Variants in KIF26A observed in about 807,000 individuals in gnomAD.
KIF26A encodes the protein kinesin family member 26A, also known as kinesin-like protein KIF26A.
A neutral mutation model predicts 126.0 loss-of-function variants in KIF26A; 74 were observed. The ratio of observed to expected loss-of-function variants is 0.59; its 90% confidence interval spans 0.49 to 0.71. The LOEUF is 0.71. KIF26A is among the 30% of genes least tolerant of loss of function. The probability of loss-of-function intolerance (pLI) is 0.00; values close to 1 mark genes in which losing one functional copy is unlikely to be tolerated. For synonymous variants in KIF26A, 1,445 were observed against 1,232.7 expected (o/e 1.17, Z -3.61); for missense variants, 2,984 against 2,763.3 (o/e 1.08, Z -1.79).
At chr14:104,170,882 C>T (rs1167764537) in intron 5 of KIF26A, among the ~76,000 whole-genome samples, 7 of 152,232 alleles carry the variant, frequency 4.6e-5, no homozygotes, top group Non-Finnish European at 8.8e-5. Context: ...TTCCCGAGTC[C>T]GGTGCCTGTA....
chr14:104,141,786 C>T (rs972082449), intron 2 of KIF26A, among the ~76,000 whole-genome samples: 2 of 152,204 alleles, frequency 1.3e-5, no homozygotes, highest in Non-Finnish European at 2.9e-5. Context: ...CATGGTCCTG[C>T]CTATGCTCAT....
chr14:104,168,260 A>C (rs980052637), intron 5 of KIF26A, among the ~76,000 whole-genome samples: 3 of 152,152 alleles, frequency 2.0e-5, no homozygotes, highest in Admixed American at 1.3e-4. Context: ...GTGTCTGGCC[A>C]CGCCCTCAGT....
At chr14:104,150,252 T>C (rs12896307) in intron 2 of KIF26A, among the ~76,000 whole-genome samples, 23,386 of 139,116 alleles carry the variant, frequency 0.17, 2,605 homozygotes, top group Middle Eastern at 0.26. Context: ...GCAGGGCTCC[T>C]TGTGGCTGAC....
intron 2 of KIF26A, among the ~76,000 whole-genome samples, chr14:104,142,101 T>G (rs1395094900): frequency 6.6e-6 from 1 of 152,078 alleles, no homozygotes; most frequent in Non-Finnish European, 1.5e-5. Flanking sequence ...GCAGTGAGGG[T>G]GACCATGGTC....
chr14:104,178,807 C>A, intron 13 of KIF26A, 52 bp downstream of exon 13: 1 of 1,086,058 alleles, frequency 9.2e-7, no homozygotes, highest in South Asian at 1.6e-5. Flanking sequence ...GAGCCTGCCG[C>A]GGATGGCAGA....
intron 4 of KIF26A, among the ~76,000 whole-genome samples, chr14:104,164,743 G>A (rs1255461596): frequency 6.8e-6 from 1 of 147,168 alleles, no homozygotes; most frequent in Admixed American, 6.7e-5. Flanking sequence ...GTGTGTGCGC[G>A]TGTCTGTGTG....
intron 11 of KIF26A, 73 bp downstream of exon 11, chr14:104,174,383 C>T: frequency 1.4e-6 from 2 of 1,399,678 alleles, no homozygotes; most frequent in African/African-American, 1.5e-5. Flanking sequence ...CCTCTGCTGG[C>T]CTGGTTGGGG....
chr14:104,164,308 G>A lies in KIF26A; in HGVS notation c.924-2551G>A, dbSNP rs193036932. Among the ~76,000 whole-genome samples the A allele has an allele frequency of 5.0e-3, 757 of 152,178 alleles. 2 individuals are homozygous for A. The highest frequency in any genetic ancestry group is 7.3e-3 in the Non-Finnish European group (495 of 67,988). On this transcript the variant is annotated intron_variant, in intron 4 of 14. Transcript: ENST00000423312. The stretch of plus-strand genomic sequence containing the variant: ...GGAGCCCAGGGTGGGTCGGGGGAGC[G>A]CCGGTGGTCAGCGTTCACCACACCC...
chr14:104,175,141 C>T lies in KIF26A; in HGVS notation c.2353C>T (p.Gln785Ter). ...GDPDYSSSSE[Q>*]SCDTVIYVGP... ...CCCCGATTACTCCTCCAGCAGCGAG[C>T]AGTCCTGTGACACGGTCATCTACGT... The change falls in exon 12 of 15, where the codon CAG becomes TAG. Residue 785 changes from glutamine (Q) to a stop codon, truncating the protein, a stop_gained. Coordinates refer to ENST00000423312, the MANE Select transcript of KIF26A (RefSeq NM_015656.2). LOFTEE classifies it high-confidence loss of function. 6.2e-7 allele frequency: 1 copy of T among 1,607,560 alleles called. No individual in the cohort carries two copies.
intron 2 of KIF26A, among the ~76,000 whole-genome samples, chr14:104,140,522 TCTC>T (rs2037627988): frequency 6.6e-6 from 1 of 152,162 alleles, no homozygotes. Flanking sequence ...ATTGAGCTGG[TCTC>T]CTCATTCTTG....
chr14:104,158,023 G>A (rs557588284), intron 4 of KIF26A, 81 bp downstream of exon 4: 80 of 1,294,112 alleles, frequency 6.2e-5, no homozygotes, highest in East Asian at 2.0e-4. Context: ...CCTATGGGCC[G>A]TTCTTGGGGG....
chr14:104,177,161 C>T lies in KIF26A; in HGVS notation c.4373C>T (p.Pro1458Leu). The T allele has an allele frequency of 6.3e-7, 1 of 1,597,446 alleles. No homozygotes were observed. Among genetic ancestry groups the T allele is most frequent in the Non-Finnish European group, 8.5e-7 (1 of 1,179,068 alleles). Residue 1458 changes from proline to leucine, a missense_variant, in exon 12 of 15, where the codon CCT (proline) becomes CTT (leucine). Transcript: ENST00000423312. ...AAGGGCCGGGAAGCCCCTGGGCGGCCTCCCCGGGCTGTACCCAAGCTGGGT... is the reference window on the plus strand; with the variant it reads ...AAGGGCCGGGAAGCCCCTGGGCGGCTTCCCCGGGCTGTACCCAAGCTGGGT... ...SSKGREAPGR[P>L]PRAVPKLGVP...
chr14:104,179,901 T>C lies in KIF26A; in HGVS notation c.*111T>C. The C allele has an allele frequency of 9.0e-7, 1 of 1,112,968 alleles. No individual in the cohort carries two copies. 68.9% of individuals were successfully genotyped at this position (1,112,968 alleles called of 1,614,324 possible). On this transcript the variant is annotated 3_prime_UTR_variant, in exon 15 of 15. Transcript: ENST00000423312. Reference sequence around the variant, plus strand: ...GGGGGAGGATGCGGAGGGGTTTCTGTGCAGGACGGGAGTCTCAGAGAGGAG... The same window carrying C: ...GGGGGAGGATGCGGAGGGGTTTCTGCGCAGGACGGGAGTCTCAGAGAGGAG...
intron 2 of KIF26A, among the ~76,000 whole-genome samples, chr14:104,146,527 T>C (rs1488569212): frequency 6.6e-6 from 1 of 151,946 alleles, no homozygotes; most frequent in Non-Finnish European, 1.5e-5. Context: ...GCAGCGGGTA[T>C]GCAGAGGGTG....
Position 104,177,378 on chromosome 14 carries a change from T to C in KIF26A, c.4590T>C (p.Pro1530=), listed in dbSNP as rs771060259. ...ASVTGRSPGG[P]VAGPRAAPRA... is the part of the protein sequence containing the mutation. ...TGACGGGCAGGAGCCCTGGCGGCCC[T>C]GTGGCCGGTCCCAGAGCAGCCCCAC... The change falls in exon 12 of 15, where the codon CCT becomes CCC. Residue 1530 remains proline (P), a synonymous_variant. Coordinates refer to ENST00000423312, the MANE Select transcript of KIF26A (RefSeq NM_015656.2). The C allele has an allele frequency of 6.7e-7, 1 of 1,485,226 alleles. No individual in the cohort carries two copies. Among genetic ancestry groups the C allele is most frequent in the Admixed American group, 2.3e-5 (1 of 43,260 alleles). 92.0% of individuals were successfully genotyped at this position (1,485,226 alleles called of 1,614,324 possible).
At position 104,152,330 on chromosome 14, in the gene KIF26A, A is replaced by C; in HGVS notation, c.604A>C (p.Ser202Arg). ...TKGLAWSPGP[S>R]VQVSVAPAGL... The stretch of plus-strand genomic sequence containing the variant: ...GGGGCTGGCCTGGTCCCCCGGGCCC[A>C]GTGTCCAGGTGTCTGTAGCACCTGC... The change falls in exon 3 of 15, where the codon AGT (serine) becomes CGT (arginine). Residue 202 changes from serine to arginine, a missense_variant. Coordinates refer to ENST00000423312, the MANE Select transcript of KIF26A (RefSeq NM_015656.2). The surrounding 1 kb of genome is among the most constrained non-coding windows in gnomAD (Gnocchi z 5.9). 4.4e-6 allele frequency: 7 copies of C among 1,580,894 alleles called. No homozygotes were observed. Among genetic ancestry groups the C allele is most frequent in the Non-Finnish European group, 6.0e-6 (7 of 1,165,914 alleles).
chr14:104,152,782 G>C lies in KIF26A; in HGVS notation c.735+321G>C, dbSNP rs72714979. On this transcript the variant is annotated intron_variant, in intron 3 of 14. Transcript: ENST00000423312. The surrounding 1 kb of genome is among the most constrained non-coding windows in gnomAD (Gnocchi z 5.9). ...GGCTTGGCGATGCACAGGGCACCGT[G>C]TGTAGATCGGGGCTCACGAGGCAGA... Among the ~76,000 whole-genome samples, 2,617 of 152,326 alleles carry C rather than the reference G, an allele frequency of 0.017. 22 individuals carry two copies. Among genetic ancestry groups the C allele is most frequent in the Middle Eastern group, 0.034 (10 of 294 alleles).
In KIF26A at chr14:104,175,191, A is replaced by G. The variant is rs1286941475; in HGVS notation, c.2403A>G (p.Ser801=). 6.2e-7 allele frequency: 1 copy of G among 1,609,268 alleles called. No individual in the cohort carries two copies. The highest frequency in any genetic ancestry group is 1.3e-5 in the African/African-American group (1 of 74,988). ...IYVGPGGAAL[S]DRELTDNEGP... ...TGGGGCCCGGTGGGGCGGCGCTGTC[A>G]GACCGGGAGCTCACCGACAACGAAG... Residue 801 remains serine, a synonymous_variant, in exon 12 of 15, where the codon TCA becomes TCG. Transcript: ENST00000423312.
intron 4 of KIF26A, among the ~76,000 whole-genome samples, chr14:104,161,339 G>A (rs2141103516): frequency 1.3e-5 from 2 of 152,252 alleles, no homozygotes; most frequent in African/African-American, 4.8e-5. Flanking sequence ...CCGTCCACCA[G>A]CCTCGCACGG....
Sources: gnomAD v4.1 joint callset for allele counts (sites outside exome capture counted in the v4.1 genomes callset) on GRCh38, gnomAD v4.1.1 for gene constraint, Gnocchi (gnomAD v3.1) non-coding constraint, MANE v1.5 for transcripts, NCBI Gene and HGNC (gene_info 2026-07-23, HGNC 2026-07-21) for gene names.